Variants in ACTC1 observed in about 807,000 individuals in gnomAD.
The protein encoded by ACTC1 is actin alpha cardiac muscle 1.
A neutral mutation model predicts 31.6 loss-of-function variants in ACTC1; 10 were observed. The observed-to-expected ratio is 0.32, with a 90% CI of 0.19 to 0.54. The LOEUF is 0.54. Among genes scored for constraint, ACTC1 ranks in the 20% least tolerant of loss-of-function variants. The pLI is 0.95. For missense variants in ACTC1, 129 were observed against 506.4 expected, an observed-to-expected ratio of 0.25 and a Z score of 7.15; for synonymous variants, 196 against 185.0, an observed-to-expected ratio of 1.06 and a Z score of -0.48.
Position 34,793,199 on chromosome 15 carries a change from CTT to C in ACTC1, c.454+44_454+45del, listed in dbSNP as rs1891743244. On this transcript the variant is annotated intron_variant, in intron 3 of 6. Coordinates refer to ENST00000290378, the MANE Select transcript of ACTC1 (RefSeq NM_005159.5). This position sits in a 1 kb window ranked among gnomAD's most constrained non-coding sequence, Gnocchi z 4.8. ...ATCTGATTCACAGCAAGGTCGGTGA[CTT>C]GGGAATGTGATTCATCAGTAACTGT... The C allele has an allele frequency of 6.3e-7, 1 of 1,591,918 alleles. No individual in the cohort carries two copies. Among genetic ancestry groups the C allele is most frequent in the African/African-American group, 1.3e-5 (1 of 74,564 alleles).
At position 34,792,380 on chromosome 15, in the gene ACTC1, C is replaced by G. The variant is rs1891722775; in HGVS notation, c.616+28G>C. 6.2e-7 allele frequency: 1 copy of G among 1,614,072 alleles called. No homozygotes were observed. Among genetic ancestry groups the G allele is most frequent in the South Asian group, 1.1e-5 (1 of 91,088 alleles). On this transcript the variant is annotated intron_variant, in intron 4 of 6. Coordinates refer to ENST00000290378, the MANE Select transcript of ACTC1 (RefSeq NM_005159.5). The surrounding 1 kb of genome is among the most constrained non-coding windows in gnomAD (Gnocchi z 5.3). ...GAGAGAGGAGGAAAGCAGACCCACA[C>G]TGTGGCAGATGAGACACACACACTC...
At chr15:34,795,259 C>G (rs1035670321) in intron 1 of ACTC1, among the ~76,000 whole-genome samples, 6 of 151,242 alleles carry the variant, frequency 4.0e-5, no homozygotes, top group African/African-American at 4.9e-5. Context: ...TGGGGAGCCA[C>G]AAAATTCCCC....
chr15:34,792,529 G>T lies in ACTC1; in HGVS notation c.495C>A (p.Val165=), dbSNP rs765421643. 1.2e-6 allele frequency: 2 copies of T among 1,614,020 alleles called. No individual in the cohort carries two copies. The highest frequency in any genetic ancestry group is 2.2e-5 in the South Asian group (2 of 91,074). The change falls in exon 4 of 7, where the codon GTC becomes GTA. Residue 165 remains valine, a synonymous_variant. Transcript: ENST00000290378. This position sits in a 1 kb window ranked among gnomAD's most constrained non-coding sequence, Gnocchi z 5.3. ...LDSGDGVTHN[V]PIYEGYALPH... ...GCAAAGCGTAGCCCTCATAGATGGGGACATTGTGAGTTACACCATCCCCAG... is the reference window on the plus strand; with the variant it reads ...GCAAAGCGTAGCCCTCATAGATGGGTACATTGTGAGTTACACCATCCCCAG...
At chr15:34,791,054 G>A (rs545762703) in intron 6 of ACTC1, 60 bp downstream of exon 6, 27 of 1,475,066 alleles carry the variant, frequency 1.8e-5, no homozygotes, top group Middle Eastern at 3.6e-4. Context: ...AATTTGGAAC[G>A]TAGTTCTGCT....
In ACTC1 at chr15:34,793,720, T is replaced by G. The variant is rs1891756761; in HGVS notation, c.130-151A>C. ...ACGATTTTACCCCAATTTAGAAGAA[T>G]TATTTAAAAATCAATCTTCTACCTT... is the stretch of plus-strand genomic sequence containing the variant. On this transcript the variant is annotated intron_variant, in intron 2 of 6. Transcript: ENST00000290378. This position sits in a 1 kb window ranked among gnomAD's most constrained non-coding sequence, Gnocchi z 4.8. 1 of 748,906 alleles carries G rather than the reference T, an allele frequency of 1.3e-6. No homozygotes were observed. The highest frequency in any genetic ancestry group is 2.2e-6 in the Non-Finnish European group (1 of 451,770). The allele number at this position is 748,906 out of a possible 1,614,324, so 46.4% of individuals were successfully genotyped here.
At chr15:34,794,869 G>A (rs1271724846) in intron 1 of ACTC1, 39 bp from the exon 2 acceptor site, 18 of 1,590,430 alleles carry the variant, frequency 1.1e-5, no homozygotes, top group East Asian at 1.1e-4. Context: ...ACGCTTAGCT[G>A]CCTGTGCAGC....
Position 34,792,014 on chromosome 15 carries a change from C to T in ACTC1, c.808+76G>A. 3.9e-6 allele frequency: 6 copies of T among 1,527,462 alleles called. No homozygotes were observed. The South Asian group carries it at 5.7e-5, about 14-fold the overall frequency. 94.6% of individuals were successfully genotyped at this position (1,527,462 alleles called of 1,614,324 possible). A position where few individuals can be genotyped will look rare whatever the true frequency, so the allele number is the denominator to read the frequency against. On this transcript the variant is annotated intron_variant, in intron 5 of 6. Coordinates refer to ENST00000290378, the MANE Select transcript of ACTC1 (RefSeq NM_005159.5). This position sits in a 1 kb window ranked among gnomAD's most constrained non-coding sequence, Gnocchi z 5.3. ...TCTTTTAACTCAAGGGCTTCTTGAG[C>T]CTTCTAGATTTTACTCTGGGAGACC...
At chr15:34,794,910 G>T in intron 1 of ACTC1, 80 bp from the exon 2 acceptor site, 1 of 1,322,800 alleles carries the variant, frequency 7.6e-7, no homozygotes, top group Non-Finnish European at 1.0e-6. Context: ...GGACAGGACA[G>T]AGCAGAAGGG....
rs907496372 is a variant in ACTC1 at position 34,793,014 on chromosome 15, T to C, written c.454+231A>G. 8.5e-5 allele frequency among the ~76,000 whole-genome samples: 13 copies of C among 152,164 alleles called. No homozygotes were observed. Among genetic ancestry groups the C allele is most frequent in the Non-Finnish European group, 1.6e-4 (11 of 68,034 alleles). ...TGCACTCCAAGCTGCTACACTGCGCTGAGCTTTAAATGAGGGAAGGACCTA... is the reference window on the plus strand; with the variant it reads ...TGCACTCCAAGCTGCTACACTGCGCCGAGCTTTAAATGAGGGAAGGACCTA... On this transcript the variant is annotated intron_variant, in intron 3 of 6. Coordinates refer to ENST00000290378, the MANE Select transcript of ACTC1 (RefSeq NM_005159.5). The surrounding 1 kb of genome is among the most constrained non-coding windows in gnomAD (Gnocchi z 4.8).
Position 34,793,649 on chromosome 15 carries a change from T to A in ACTC1, c.130-80A>T. On this transcript the variant is annotated intron_variant, in intron 2 of 6. Coordinates refer to ENST00000290378, the MANE Select transcript of ACTC1 (RefSeq NM_005159.5). The surrounding 1 kb of genome is among the most constrained non-coding windows in gnomAD (Gnocchi z 4.8). The stretch of plus-strand genomic sequence containing the variant: ...AGTGTCTTGTCCATTTATATCTAAC[T>A]GCCCAAGTCAAGGAACATATTTAAA... 3 of 1,301,094 alleles carry A rather than the reference T, an allele frequency of 2.3e-6. No individual in the cohort carries two copies. The highest frequency in any genetic ancestry group is 3.3e-6 in the Non-Finnish European group (3 of 908,818). The allele number at this position is 1,301,094 out of a possible 1,614,324, so 80.6% of individuals were successfully genotyped here.
rs1012732645 is a variant in ACTC1, at chr15:34,793,706, C to T, written c.130-137G>A. On this transcript the variant is annotated intron_variant, in intron 2 of 6. Transcript: ENST00000290378. The surrounding 1 kb of genome is among the most constrained non-coding windows in gnomAD (Gnocchi z 4.8). ...AAATAACAAGCAATACGATTTTACC[C>T]CAATTTAGAAGAATTATTTAAAAAT... 2.5e-6 allele frequency: 2 copies of T among 800,074 alleles called. No individual in the cohort carries two copies. Among genetic ancestry groups the T allele is most frequent in the East Asian group, 5.3e-5 (2 of 37,546 alleles). 49.6% of individuals were successfully genotyped at this position (800,074 alleles called of 1,614,324 possible).
At position 34,795,306 on chromosome 15, in the gene ACTC1, G is replaced by T. The variant is rs535827143; in HGVS notation, c.-23+200C>A. 1.5e-4 allele frequency among the ~76,000 whole-genome samples: 22 copies of T among 150,624 alleles called. 1 individual carries two copies. In the South Asian group the frequency reaches 4.4e-3, roughly 30 times the overall value. On this transcript the variant is annotated intron_variant, in intron 1 of 6. Coordinates refer to ENST00000290378, the MANE Select transcript of ACTC1 (RefSeq NM_005159.5). ...CCTGCGAGGTCCTGCGAGGACCAAC[G>T]CCCAGGACAAAACAAGTTAGAACCA...
chr15:34,792,710 A>G lies in ACTC1; in HGVS notation c.455-141T>C, dbSNP rs187923382. 2.9e-5 allele frequency: 25 copies of G among 871,718 alleles called. No individual in the cohort carries two copies. In the Admixed American group the frequency reaches 5.2e-4, roughly 18 times the overall value. 54.0% of individuals were successfully genotyped at this position (871,718 alleles called of 1,614,324 possible). On this transcript the variant is annotated intron_variant, in intron 3 of 6. Coordinates refer to ENST00000290378, the MANE Select transcript of ACTC1 (RefSeq NM_005159.5). This position sits in a 1 kb window ranked among gnomAD's most constrained non-coding sequence, Gnocchi z 5.3. Reference sequence around the variant, plus strand: ...CCAGATAAAATTAGATTCCTTACACACAAAGAATAAAAATGCGCATCAGGA... The same window carrying G: ...CCAGATAAAATTAGATTCCTTACACGCAAAGAATAAAAATGCGCATCAGGA...
chr15:34,791,336 C>CAA, intron 5 of ACTC1, 41 bp from the exon 6 acceptor site: 1 of 1,225,868 alleles, frequency 8.2e-7, no homozygotes, highest in Admixed American at 2.0e-5. Flanking sequence ...CACACACACA[C>CAA]ACACACACAC....
rs764090723 is a variant in ACTC1, at chr15:34,791,306, GT to G, written c.809-12del. 2.8e-6 allele frequency: 4 copies of G among 1,430,136 alleles called. No individual in the cohort carries two copies. The highest frequency in any genetic ancestry group is 3.8e-4 in the Middle Eastern group (2 of 5,310). 88.6% of individuals were successfully genotyped at this position (1,430,136 alleles called of 1,614,324 possible). ...CAGCAGATTCCATACCTGGGAACGA[GT>G]CACACACACACACACACACACACAC... is the stretch of plus-strand genomic sequence containing the variant. On this transcript the variant is annotated splice_polypyrimidine_tract_variant and intron_variant, in intron 5 of 6. Coordinates refer to ENST00000290378, the MANE Select transcript of ACTC1 (RefSeq NM_005159.5).
intron 2 of ACTC1, among the ~76,000 whole-genome samples, chr15:34,794,469 C>T (rs1891772310): frequency 6.6e-6 from 1 of 152,186 alleles, no homozygotes; most frequent in African/African-American, 2.4e-5. Flanking sequence ...GAGTGGGACC[C>T]TTTTAGAGGC....
chr15:34,790,955 G>A (rs997626111), intron 6 of ACTC1, among the ~76,000 whole-genome samples, 159 bp downstream of exon 6: 2 of 152,028 alleles, frequency 1.3e-5, no homozygotes, highest in Non-Finnish European at 2.9e-5. Context: ...ACCTATCTTG[G>A]GAAAAGTGCT....
chr15:34,794,476 A>C (rs1442799369), intron 2 of ACTC1, among the ~76,000 whole-genome samples: 2 of 152,208 alleles, frequency 1.3e-5, no homozygotes, highest in African/African-American at 2.4e-5. Context: ...ACCCTTTTAG[A>C]GGCGTGCCAC....
chr15:34,794,590 A>G (rs1311383754), intron 2 of ACTC1, 90 bp downstream of exon 2: 2 of 1,482,686 alleles, frequency 1.3e-6, no homozygotes, highest in Non-Finnish European at 1.8e-6. Flanking sequence ...TAAAGAGTTC[A>G]TCGAACAAGA....
Sources: allele counts gnomAD v4.1 joint callset (sites outside exome capture counted in the v4.1 genomes callset), GRCh38; gene constraint gnomAD v4.1.1; non-coding constraint Gnocchi (gnomAD v3.1); transcripts MANE v1.5; gene names NCBI Gene and HGNC (gene_info 2026-07-23, HGNC 2026-07-21).